The following PIEZO2 variants were observed in gnomAD, a reference collection of about 807,000 sequenced individuals.
The protein encoded by PIEZO2 is piezo type mechanosensitive ion channel component 2, also known as piezo-type mechanosensitive ion channel component 2.
In PIEZO2, 172 loss-of-function variants were observed where a neutral mutation model predicts 337.3. The ratio of observed to expected loss-of-function variants is 0.51; its 90% CI spans 0.45 to 0.58. The LOEUF (loss-of-function observed/expected upper bound fraction) is 0.58. Among genes scored for constraint, PIEZO2 ranks in the 20% least tolerant of loss-of-function variants. The pLI, the probability that PIEZO2 is intolerant of heterozygous loss-of-function variation, is 0.00. For synonymous variants in PIEZO2, 1,251 were observed against 1,228.5 expected (o/e 1.02, Z -0.38); for missense variants, 3,028 against 3,391.3 (o/e 0.89, Z 2.66).
At chr18:10,800,947 G>A (rs962788151) in intron 10 of PIEZO2, among the ~76,000 whole-genome samples, 1 of 152,226 alleles carries the variant, frequency 6.6e-6, no homozygotes, top group Non-Finnish European at 1.5e-5. Flanking sequence ...ACATCCCTTG[G>A]ATCTCAGCTA....
In PIEZO2 at chr18:10,752,810, G is replaced by A; in HGVS notation, c.3993C>T (p.Phe1331=). The A allele has an allele frequency of 1.3e-6, 2 of 1,537,220 alleles. No individual in the cohort carries two copies. The highest frequency in any genetic ancestry group is 1.7e-6 in the Non-Finnish European group (2 of 1,146,898). ...TGCTGATCCTGGTGGTCCCAGTGATGAAGATGATGGTGAGCACAAACCAGA... is the reference window on the plus strand; with the variant it reads ...TGCTGATCCTGGTGGTCCCAGTGATAAAGATGATGGTGAGCACAAACCAGA... ...YLFWFVLTII[F]ITGTTRISIF... Residue 1331 remains phenylalanine, a synonymous_variant, in exon 28 of 56, where the codon TTC becomes TTT. Coordinates refer to ENST00000674853, the MANE Select transcript of PIEZO2 (RefSeq NM_001378183.1).
At chr18:10,936,681 T>C (rs908932168) in intron 3 of PIEZO2, among the ~76,000 whole-genome samples, 10 of 152,110 alleles carry the variant, frequency 6.6e-5, no homozygotes, top group African/African-American at 2.4e-4. Flanking sequence ...AAGGAAACAG[T>C]CAGATGTCAT....
At chr18:10,998,063 T>C (rs1460526641) in intron 2 of PIEZO2, among the ~76,000 whole-genome samples, 1 of 152,116 alleles carries the variant, frequency 6.6e-6, no homozygotes, top group Non-Finnish European at 1.5e-5. Flanking sequence ...AGACCACATA[T>C]TTTTCATCAC....
rs556665135 is a variant in PIEZO2, at chr18:11,122,099, G to A, written c.64+26426C>T. Among the ~76,000 whole-genome samples, 7 of 152,178 alleles carry A rather than the reference G, an allele frequency of 4.6e-5. No individual in the cohort carries two copies. The East Asian group carries it at 5.8e-4, about 13-fold the overall frequency. ...CTCCCCGGCAGCTGGGACTACAGGCGCCTGCCACCATGCCCAGCTAATTTT... is the reference window on the plus strand; with the variant it reads ...CTCCCCGGCAGCTGGGACTACAGGCACCTGCCACCATGCCCAGCTAATTTT... On this transcript the variant is annotated intron_variant, in intron 1 of 55. Transcript: ENST00000674853.
At chr18:10,696,680 T>C (rs988816654) in intron 45 of PIEZO2, 141 bp from the exon 46 acceptor site, 6 of 960,182 alleles carry the variant, frequency 6.2e-6, no homozygotes, top group Non-Finnish European at 9.3e-6. Flanking sequence ...TGCCTCAGGA[T>C]AGTCCCGCTG....
rs764193192 is a variant in PIEZO2 at position 10,705,316 on chromosome 18, T to C, written c.5999+20A>G. 14 of 1,516,158 alleles carry C rather than the reference T, an allele frequency of 9.2e-6. 1 individual carries two copies. The South Asian group carries it at 1.8e-4, about 19-fold the overall frequency. The allele number at this position is 1,516,158 out of a possible 1,614,324, so 93.9% of individuals were successfully genotyped here. A position where few individuals can be genotyped will look rare whatever the true frequency, so the allele number is the denominator to read the frequency against. On this transcript the variant is annotated intron_variant, in intron 41 of 55. Coordinates refer to ENST00000674853, the MANE Select transcript of PIEZO2 (RefSeq NM_001378183.1). ...TGGTGATTTGGGGATATGTGTCTGA[T>C]CTGTTCACTGGACCCTTACTTTTTC...
intron 2 of PIEZO2, among the ~76,000 whole-genome samples, chr18:11,010,321 T>A (rs974462605): frequency 2.6e-5 from 4 of 152,192 alleles, no homozygotes; most frequent in African/African-American, 9.7e-5. Context: ...CCATCCAAAA[T>A]GCTGCCTGTA....
chr18:10,680,345 A>G lies in PIEZO2; in HGVS notation c.7806T>C (p.Tyr2602=). 1 of 1,613,932 alleles carries G rather than the reference A, an allele frequency of 6.2e-7. No individual in the cohort carries two copies. Among genetic ancestry groups the G allele is most frequent in the Non-Finnish European group, 8.5e-7 (1 of 1,179,890 alleles). The change falls in exon 52 of 56, where the codon TAT becomes TAC. Residue 2602 remains tyrosine, a synonymous_variant. Transcript: ENST00000674853. ...CTGCTACTGTTATGTCTTCTTTTTC[A>G]TAATTTTCCAGAAATTGCATAGCAC... ...DTGAMQFLEN[Y]EKEDITVAEL...
chr18:10,923,595 C>T (rs2031553290), intron 3 of PIEZO2, among the ~76,000 whole-genome samples: 1 of 152,340 alleles, frequency 6.6e-6, no homozygotes, highest in South Asian at 2.1e-4. Context: ...TTAATATTTG[C>T]TTCACTTGTA....
rs111854096 is a variant in PIEZO2, at chr18:10,729,539, G to A, written c.5029+1868C>T. On this transcript the variant is annotated intron_variant, in intron 36 of 55. Transcript: ENST00000674853. ...CTCAGGAGGCTGAGGCACGAGAATCGCTTGAACCCGGGAGGCTGAGGTTGC... is the reference window on the plus strand; with the variant it reads ...CTCAGGAGGCTGAGGCACGAGAATCACTTGAACCCGGGAGGCTGAGGTTGC... Among the ~76,000 whole-genome samples, 1,288 of 148,286 alleles carry A rather than the reference G, an allele frequency of 8.7e-3. 25 individuals are homozygous for A. Among genetic ancestry groups the A allele is most frequent in the African/African-American group, 0.03 (1,203 of 40,082 alleles).
Position 11,105,677 on chromosome 18 carries a change from A to G in PIEZO2, c.65-39455T>C, listed in dbSNP as rs2039537481. Among the ~76,000 whole-genome samples the G allele has an allele frequency of 6.6e-6, 1 of 152,076 alleles. No homozygotes were observed. The highest frequency in any genetic ancestry group is 1.5e-5 in the Non-Finnish European group (1 of 68,022). On this transcript the variant is annotated intron_variant, in intron 1 of 55. Transcript: ENST00000674853. This position sits in a 1 kb window ranked among gnomAD's most constrained non-coding sequence, Gnocchi z 4.3. ...CGCTACAAAGCAATATTTCAACATCACGTGTCCTCTGAAAGCCTGAGCTGG... is the reference window on the plus strand; with the variant it reads ...CGCTACAAAGCAATATTTCAACATCGCGTGTCCTCTGAAAGCCTGAGCTGG...
chr18:10,832,108 G>C (rs544833932), intron 7 of PIEZO2, among the ~76,000 whole-genome samples: 1 of 152,266 alleles, frequency 6.6e-6, no homozygotes, highest in Admixed American at 6.5e-5. Context: ...GACCAGCCTG[G>C]CCAACATGGT....
Position 10,846,131 on chromosome 18 carries a change from C to T in PIEZO2, c.917+9222G>A, listed in dbSNP as rs2041351841. On this transcript the variant is annotated intron_variant, in intron 7 of 55. Coordinates refer to ENST00000674853, the MANE Select transcript of PIEZO2 (RefSeq NM_001378183.1). This position sits in a 1 kb window ranked among gnomAD's most constrained non-coding sequence, Gnocchi z 4.1. ...TGTCACACTGCTGAAAGTGACATACCCAAGACTTGGCAATTTACAAAAGAA... is the reference window on the plus strand; with the variant it reads ...TGTCACACTGCTGAAAGTGACATACTCAAGACTTGGCAATTTACAAAAGAA... Among the ~76,000 whole-genome samples the T allele has an allele frequency of 6.6e-6, 1 of 152,154 alleles. No homozygotes were observed. Among genetic ancestry groups the T allele is most frequent in the East Asian group, 1.9e-4 (1 of 5,198 alleles).
chr18:10,820,200 A>G (rs1466034314), intron 7 of PIEZO2, among the ~76,000 whole-genome samples: 2 of 152,076 alleles, frequency 1.3e-5, no homozygotes, highest in African/African-American at 4.8e-5. Flanking sequence ...CTTCTTGGAC[A>G]GGGTGTTTAT....
intron 4 of PIEZO2, among the ~76,000 whole-genome samples, chr18:10,893,222 T>TA (rs1192862891): frequency 3.3e-5 from 5 of 152,174 alleles, no homozygotes; most frequent in Non-Finnish European, 7.4e-5. Context: ...TTTTATAAAT[T>TA]AAAAAAATAA....
chr18:10,807,339 A>G, intron 7 of PIEZO2, 65 bp from the exon 8 acceptor site: 1 of 1,428,298 alleles, frequency 7.0e-7, no homozygotes, highest in Non-Finnish European at 9.4e-7. Flanking sequence ...ACATTGAATA[A>G]AAGTACTTTG....
At chr18:11,141,661 G>A (rs1459322802) in intron 1 of PIEZO2, among the ~76,000 whole-genome samples, 1 of 152,232 alleles carries the variant, frequency 6.6e-6, no homozygotes, top group Non-Finnish European at 1.5e-5. Context: ...CTAAGGAGCA[G>A]ACGAACGGCT....
At chr18:10,808,073 T>C (rs1459058569) in intron 7 of PIEZO2, among the ~76,000 whole-genome samples, 3 of 152,162 alleles carry the variant, frequency 2.0e-5, no homozygotes, top group African/African-American at 7.2e-5. Context: ...CATACCTTTC[T>C]ACTGTTTGCA....
chr18:10,809,113 A>G (rs1158572954), intron 7 of PIEZO2, among the ~76,000 whole-genome samples: 3 of 152,176 alleles, frequency 2.0e-5, no homozygotes, highest in Non-Finnish European at 4.4e-5. Context: ...AACACTGAAT[A>G]ATAAGACTTA....
Sources: allele counts gnomAD v4.1 joint callset (sites outside exome capture counted in the v4.1 genomes callset), GRCh38; gene constraint gnomAD v4.1.1; non-coding constraint Gnocchi (gnomAD v3.1); transcripts MANE v1.5; gene names NCBI Gene and HGNC (gene_info 2026-07-23, HGNC 2026-07-21).